CISD1: variants seen among roughly 807,000 people sequenced by gnomAD.
The protein encoded by CISD1 is CDGSH iron sulfur domain 1.
A neutral mutation model predicts 12.0 loss-of-function variants in CISD1; 8 were observed. The ratio of observed to expected loss-of-function variants is 0.67; its 90% CI spans 0.39 to 1.20. The LOEUF (loss-of-function observed/expected upper bound fraction) is 1.20, where lower values mean the gene tolerates loss of function less well. Ranked by LOEUF, CISD1 falls within the 50% of genes most tolerant of loss-of-function variation. The pLI, the probability that CISD1 is intolerant of heterozygous loss-of-function variation, is 0.01. For missense variants in CISD1, 107 were observed against 132.7 expected (o/e 0.81, Z 0.95); for synonymous variants, 38 against 42.2 (o/e 0.90, Z 0.39).
intron 1 of CISD1, among the ~76,000 whole-genome samples, chr10:58,275,519 A>G (rs893483498): frequency 1.3e-5 from 2 of 152,232 alleles, no homozygotes; most frequent in Non-Finnish European, 2.9e-5. Context: ...GTCAGGTGAT[A>G]TATTAACTTA....
chr10:58,277,108 C>T lies in CISD1; in HGVS notation c.32-9C>T, dbSNP rs781248294. On this transcript the variant is annotated splice_polypyrimidine_tract_variant and intron_variant, in intron 1 of 2. Transcript: ENST00000333926. ...TTTGATAATTATTTGTTTTCCTTCCCTGCTCTAGTTGAATGGATCGCAGCA... is the reference window on the plus strand; with the variant it reads ...TTTGATAATTATTTGTTTTCCTTCCTTGCTCTAGTTGAATGGATCGCAGCA... The T allele has an allele frequency of 6.4e-7, 1 of 1,561,602 alleles. No homozygotes were observed.
rs1292992153 is a variant in CISD1 at position 58,288,793 on chromosome 10, G to A, written c.*1143G>A. On this transcript the variant is annotated 3_prime_UTR_variant, in exon 3 of 3. Transcript: ENST00000333926. Reference sequence around the variant, plus strand: ...TTTCATAGGTTAGAAGGAAAATCATGGCAAAATTTACAGAAAATTGGGCAA... The same window carrying A: ...TTTCATAGGTTAGAAGGAAAATCATAGCAAAATTTACAGAAAATTGGGCAA... The A allele has an allele frequency of 6.6e-6, 1 of 152,134 alleles. No homozygotes were observed. The highest frequency in any genetic ancestry group is 1.5e-5 in the Non-Finnish European group (1 of 67,922). The allele number at this position is 152,134 out of a possible 1,614,324, so 9.4% of individuals were successfully genotyped here.
rs776562455 is a variant in CISD1 at position 58,287,668 on chromosome 10, T to A, written c.*18T>A. The A allele has an allele frequency of 4.5e-6, 7 of 1,539,066 alleles. No homozygotes were observed. In the South Asian group the frequency reaches 7.0e-5, roughly 15 times the overall value. ...AAACTTAAATGGACACTTTTGATGC[T>A]GCAAATCAGCTTGTCGTGAAGTTAC... is the stretch of plus-strand genomic sequence containing the variant. On this transcript the variant is annotated 3_prime_UTR_variant, in exon 3 of 3. Transcript: ENST00000333926.
At chr10:58,285,970 C>T (rs372310667) in intron 2 of CISD1, among the ~76,000 whole-genome samples, 1 of 152,002 alleles carries the variant, frequency 6.6e-6, no homozygotes, top group Non-Finnish European at 1.5e-5. Flanking sequence ...CTTTGGGAGG[C>T]CGAGGCAGGC....
chr10:58,274,148 A>AT (rs1024979113), intron 1 of CISD1, among the ~76,000 whole-genome samples: 6 of 152,198 alleles, frequency 3.9e-5, no homozygotes, highest in South Asian at 2.1e-4. Flanking sequence ...AAAAGAAAAA[A>AT]GAAAAAAGAA....
At chr10:58,274,684 A>G (rs1389598136) in intron 1 of CISD1, among the ~76,000 whole-genome samples, 1 of 151,996 alleles carries the variant, frequency 6.6e-6, no homozygotes, top group African/African-American at 2.4e-5. Flanking sequence ...TTGATTCCCC[A>G]TGGGGCAGCT....
chr10:58,280,143 G>T (rs1242493821), intron 2 of CISD1, among the ~76,000 whole-genome samples: 1 of 152,218 alleles, frequency 6.6e-6, no homozygotes, highest in Admixed American at 6.5e-5. Context: ...AAGGTGAAAT[G>T]AATAAAGAAT....
chr10:58,281,878 T>A (rs1177256307), intron 2 of CISD1, among the ~76,000 whole-genome samples: 3 of 152,184 alleles, frequency 2.0e-5, no homozygotes, highest in Non-Finnish European at 2.9e-5. Flanking sequence ...TTACATTTTT[T>A]AAAAACATAT....
intron 2 of CISD1, among the ~76,000 whole-genome samples, chr10:58,281,039 G>T (rs888206223): frequency 3.3e-5 from 5 of 152,208 alleles, no homozygotes; most frequent in Admixed American, 2.0e-4. Context: ...TTGCTTGAGT[G>T]AACACTACAG....
chr10:58,274,440 CTTTT>C (rs34405014), intron 1 of CISD1, among the ~76,000 whole-genome samples: 1 of 79,136 alleles, frequency 1.3e-5, no homozygotes, highest in Admixed American at 1.5e-4. Context: ...AAAATAACAA[CTTTT>C]TTTTTTTTTT....
intron 2 of CISD1, among the ~76,000 whole-genome samples, chr10:58,284,149 A>G (rs1014751339): frequency 6.6e-6 from 1 of 152,276 alleles, no homozygotes; most frequent in African/African-American, 2.4e-5. Flanking sequence ...GTAACAGCCA[A>G]TGTAGTGAAA....
At chr10:58,287,186 G>A (rs1432799759) in intron 2 of CISD1, among the ~76,000 whole-genome samples, 2 of 152,152 alleles carry the variant, frequency 1.3e-5, no homozygotes, top group Admixed American at 1.3e-4. Flanking sequence ...CTCCCAAAGT[G>A]TTGAGATTAC....
In CISD1 at chr10:58,287,648, T is replaced by A; in HGVS notation, c.325T>A (p.Ter109LysextTer27). The change falls in exon 3 of 3, where the codon TAA becomes AAA. Residue 109 changes from the stop codon to lysine, a stop_lost. Coordinates refer to ENST00000333926, the MANE Select transcript of CISD1 (RefSeq NM_018464.5). ...GPLIIKKKET[*>K] ...TCTGATCATCAAGAAAAAAGAAACT[T>A]AAATGGACACTTTTGATGCTGCAAA... The A allele has an allele frequency of 6.3e-7, 1 of 1,598,958 alleles. No individual in the cohort carries two copies. Among genetic ancestry groups the A allele is most frequent in the Non-Finnish European group, 8.6e-7 (1 of 1,169,554 alleles).
At chr10:58,283,269 G>T (rs1839392941) in intron 2 of CISD1, among the ~76,000 whole-genome samples, 1 of 151,948 alleles carries the variant, frequency 6.6e-6, no homozygotes. Context: ...ACATTCCTTG[G>T]CCAATCCACA....
At chr10:58,285,606 CAAATAT>C (rs1839420083) in intron 2 of CISD1, among the ~76,000 whole-genome samples, 1 of 152,026 alleles carries the variant, frequency 6.6e-6, no homozygotes, top group Admixed American at 6.6e-5. Flanking sequence ...ATAAAAGATA[CAAATAT>C]AGAGAAACAA....
At chr10:58,286,204 CAAA>C (rs755174757) in intron 2 of CISD1, among the ~76,000 whole-genome samples, 2 of 85,926 alleles carry the variant, frequency 2.3e-5, no homozygotes. Flanking sequence ...GACTCCGTTT[CAAA>C]AAAAAAAAAA....
intron 1 of CISD1, 36 bp downstream of exon 1, chr10:58,269,340 G>C: frequency 6.3e-7 from 1 of 1,590,832 alleles, no homozygotes. Context: ...AGGCTGGTGA[G>C]GCTCAGCGGT....
At chr10:58,269,403 C>A in intron 1 of CISD1, 99 bp downstream of exon 1, 1 of 1,120,346 alleles carries the variant, frequency 8.9e-7, no homozygotes, top group South Asian at 1.4e-5. Flanking sequence ...ACGCGCCCGC[C>A]GGTCCTATAA....
At chr10:58,280,690 G>A (rs1160075883) in intron 2 of CISD1, among the ~76,000 whole-genome samples, 1 of 152,146 alleles carries the variant, frequency 6.6e-6, no homozygotes, top group African/African-American at 2.4e-5. Context: ...TGAAATCTTG[G>A]GGAATTTTCT....
Sources: gnomAD v4.1 joint callset for allele counts (sites outside exome capture counted in the v4.1 genomes callset) on GRCh38, gnomAD v4.1.1 for gene constraint, MANE v1.5 for transcripts, NCBI Gene and HGNC (gene_info 2026-07-23, HGNC 2026-07-21) for gene names.